The following CAST variants were observed in gnomAD, a reference collection of about 807,000 sequenced individuals.
CAST encodes calpastatin, also known as MIR583 host.
A neutral mutation model predicts 119.6 loss-of-function variants in CAST; 76 were observed. The ratio of observed to expected loss-of-function variants is 0.64; its 90% CI spans 0.53 to 0.77. The LOEUF is 0.77. CAST is among the 30% of genes least tolerant of loss of function. The probability of loss-of-function intolerance (pLI) is 0.00; values close to 1 mark genes in which losing one functional copy is unlikely to be tolerated. For missense variants in CAST, 953 were observed against 946.5 expected (o/e 1.01, Z -0.09); for synonymous variants, 319 against 331.6 (o/e 0.96, Z 0.41).
chr5:96,772,607 G>T (rs767935124), intron 31 of CAST, 33 bp from the exon 32 acceptor site: 4 of 152,674 alleles, frequency 2.6e-5, no homozygotes, highest in African/African-American at 4.8e-5. Flanking sequence ...CATATTAAAT[G>T]ATTCACTGCA....
the CAST span, among the ~76,000 whole-genome samples, chr5:96,214,188 T>C: frequency 7.2e-5 from 11 of 152,168 alleles, no homozygotes; most frequent in Non-Finnish European, 1.3e-4. Flanking sequence ...AGAATGGAGA[T>C]TGTAACTTAT....
chr5:96,532,655 G>GC (rs1745710772), intron 1 of CAST, among the ~76,000 whole-genome samples: 1 of 152,162 alleles, frequency 6.6e-6, no homozygotes, highest in African/African-American at 2.4e-5. Context: ...TTCAAGACCA[G>GC]CGTGGCCAAC....
At chr5:96,396,892 C>G in the CAST span, among the ~76,000 whole-genome samples, 5 of 152,200 alleles carry the variant, frequency 3.3e-5, no homozygotes, top group African/African-American at 1.2e-4. Context: ...TAAGATATCT[C>G]TCCAAACATT....
the CAST span, chr5:96,111,121 G>A: frequency 1.3e-5 from 2 of 152,154 alleles, no homozygotes; most frequent in Admixed American, 6.6e-5. Context: ...TGGCTACGTG[G>A]ACCCCTCCTC....
At chr5:96,228,493 T>C in the CAST span, among the ~76,000 whole-genome samples, 1 of 151,704 alleles carries the variant, frequency 6.6e-6, no homozygotes, top group Non-Finnish European at 1.5e-5. Context: ...CATGAATAAA[T>C]GGGTTATTGT....
intron 1 of CAST, among the ~76,000 whole-genome samples, chr5:96,652,360 G>A (rs1407091234): frequency 6.6e-6 from 1 of 152,210 alleles, no homozygotes; most frequent in East Asian, 1.9e-4. Context: ...ATGTAGAATT[G>A]ATGGGTCATG....
At chr5:95,980,118 AAAACAAAC>A in the CAST span, among the ~76,000 whole-genome samples, 665 of 152,124 alleles carry the variant, frequency 4.4e-3, 9 homozygotes, top group African/African-American at 0.015. Flanking sequence ...ACTCCATCTC[AAAACAAAC>A]AAACAAACAA....
intron 1 of CAST, among the ~76,000 whole-genome samples, chr5:96,667,036 C>T (rs946032421): frequency 6.6e-6 from 1 of 152,040 alleles, no homozygotes; most frequent in Non-Finnish European, 1.5e-5. Flanking sequence ...GAAAGCTTTA[C>T]AGCCACCATA....
At chr5:96,405,461 A>T in the CAST span, among the ~76,000 whole-genome samples, 1 of 152,208 alleles carries the variant, frequency 6.6e-6, no homozygotes, top group South Asian at 2.1e-4. Context: ...AGAGACTGAG[A>T]TTAATGAGGC....
At chr5:96,248,357 T>TATCC in the CAST span, among the ~76,000 whole-genome samples, 1 of 152,162 alleles carries the variant, frequency 6.6e-6, no homozygotes, top group Non-Finnish European at 1.5e-5. Context: ...AATGAGATAG[T>TATCC]ATCCATGGTG....
the CAST span, among the ~76,000 whole-genome samples, chr5:95,996,915 A>T: frequency 6.6e-6 from 1 of 152,170 alleles, no homozygotes; most frequent in African/African-American, 2.4e-5. Context: ...AGTGCCTGGC[A>T]CATGGTTTAC....
At chr5:96,176,200 G>T in the CAST span, among the ~76,000 whole-genome samples, 5 of 151,946 alleles carry the variant, frequency 3.3e-5, no homozygotes. Flanking sequence ...GAGAGAGAGA[G>T]AATGTGGTAC....
At chr5:96,324,260 A>G in the CAST span, among the ~76,000 whole-genome samples, 1 of 152,204 alleles carries the variant, frequency 6.6e-6, no homozygotes, top group Non-Finnish European at 1.5e-5. Flanking sequence ...TTGTAATCAC[A>G]TAAATTGATC....
chr5:96,092,262 C>A, the CAST span, among the ~76,000 whole-genome samples: 1 of 152,062 alleles, frequency 6.6e-6, no homozygotes, highest in Admixed American at 6.6e-5. Flanking sequence ...TTTATTCTTT[C>A]AAAGCGATGC....
Position 96,726,838 on chromosome 5 carries a change from C to A in CAST, c.315C>A (p.Asn105Lys). 1 of 1,613,208 alleles carries A rather than the reference C, an allele frequency of 6.2e-7. No individual in the cohort carries two copies. Residue 105 changes from asparagine to lysine, a missense_variant, in exon 5 of 32, where the codon AAC becomes AAA. Asn to Lys is a moderately conservative substitution (Grantham distance 94). Coordinates refer to ENST00000675179, the MANE Select transcript of CAST (RefSeq NM_001750.7). ...SQQMEGPHLPNKKKHKKQAVK... is the reference protein window; with the variant it reads ...SQQMEGPHLPKKKKHKKQAVK... ...AGATGGAAGGACCACATCTTCCTAA[C>A]AAGAAAAAACACAAAAAACAGGTGA...
chr5:96,417,279 T>C, the CAST span, among the ~76,000 whole-genome samples: 1 of 152,178 alleles, frequency 6.6e-6, no homozygotes, highest in African/African-American at 2.4e-5. Context: ...AGATTCCTGC[T>C]CCTTCATGTT....
chr5:96,536,301 G>A (rs1332424317), intron 1 of CAST, among the ~76,000 whole-genome samples: 1 of 152,122 alleles, frequency 6.6e-6, no homozygotes, highest in Non-Finnish European at 1.5e-5. Context: ...GGAGGTTACG[G>A]TGAGCCGAGA....
At chr5:96,280,600 G>T in the CAST span, among the ~76,000 whole-genome samples, 2 of 152,190 alleles carry the variant, frequency 1.3e-5, no homozygotes, top group African/African-American at 4.8e-5. Context: ...CCCACACTAA[G>T]CCTCAGTTTC....
At chr5:96,258,955 G>T in the CAST span, among the ~76,000 whole-genome samples, 1 of 152,130 alleles carries the variant, frequency 6.6e-6, no homozygotes, top group Admixed American at 6.5e-5. Flanking sequence ...TAAATGAGAA[G>T]GTCAGACAAG....
Sources: gnomAD v4.1 joint callset for allele counts (sites outside exome capture counted in the v4.1 genomes callset) on GRCh38, gnomAD v4.1.1 for gene constraint, MANE v1.5 for transcripts, NCBI Gene and HGNC (gene_info 2026-07-23, HGNC 2026-07-21) for gene names.